KIAA1210: variants seen among roughly 807,000 people sequenced by gnomAD.
The protein encoded by KIAA1210 is KIAA1210.
A neutral mutation model predicts 78.9 loss-of-function variants in KIAA1210; 48 were observed. The observed-to-expected ratio is 0.61, with a 90% confidence interval of 0.48 to 0.77. KIAA1210 has a LOEUF of 0.77. Ranked by LOEUF, KIAA1210 falls within the 30% of genes least tolerant of loss-of-function variation. KIAA1210 has a pLI of 0.00. For synonymous variants in KIAA1210, 406 were observed against 404.5 expected, an observed-to-expected ratio of 1.00 and a Z score of -0.04; for missense variants, 1,108 against 1,100.0, an observed-to-expected ratio of 1.01 and a Z score of -0.10.
At chrX:119,132,182 C>A (rs144423296), upstream of KIAA1210, among the ~76,000 whole-genome samples, 2 of 112,257 alleles carry the variant, frequency 1.8e-5, no homozygotes, top group Non-Finnish European at 3.8e-5. Flanking sequence ...TCAGCCCTGA[C>A]GGCGATTGAG....
intron 2 of KIAA1210, among the ~76,000 whole-genome samples, chrX:119,140,433 G>A (rs1277766896): frequency 9.3e-6 from 1 of 107,920 alleles, no homozygotes; most frequent in Non-Finnish European, 1.9e-5. Flanking sequence ...GGAGGCTGAG[G>A]CAGGAGAATT....
rs192852550 is a variant in KIAA1210 at position 119,133,686 on chromosome X, T to A, written c.411-10034A>T. Among the ~76,000 whole-genome samples, 237 of 106,482 alleles carry A rather than the reference T, an allele frequency of 2.2e-3. 1 individual carries two copies. The highest frequency in any genetic ancestry group is 5.9e-3 in the Admixed American group (59 of 9,956). The allele number at this position is 106,482 out of a possible 115,157, so 92.5% of individuals were successfully genotyped here. ...TCTTTTCTTTCTTTTTTTTTTTTTT[T>A]AAATACTGTGTCTCGCTCTGTCGCC... On this transcript the variant is annotated intron_variant, in intron 2 of 13. Coordinates refer to the KIAA1210 transcript ENST00000402510.
At position 119,108,325 on chromosome X, in the gene KIAA1210, C is replaced by T. The variant is rs1439496448; in HGVS notation, c.492+12G>A. 1 of 1,202,802 alleles carries T rather than the reference C, an allele frequency of 8.3e-7. No individual in the cohort carries two copies. The highest frequency in any genetic ancestry group is 2.2e-5 in the Admixed American group (1 of 45,126). On this transcript the variant is annotated intron_variant, in intron 5 of 11. Transcript: ENST00000691062. ...TCAGCTGCCCATGCGCTGAACAATT[C>T]CACTTTGTTACCTCAGTGATCTTGG...
rs748771980 is a variant in KIAA1210 at position 119,150,350 on chromosome X, G to A, written c.230C>T (p.Pro77Leu). ...GGGCAGGAAGCCCCGGGAATAACTA[G>A]GTATTTCCAGGTCAGTCACTGCAGC... Residue 77 changes from proline to leucine, a missense_variant, in exon 1 of 14, where the codon CCT becomes CTT. Pro to Leu is a moderately conservative substitution (Grantham distance 98). Coordinates refer to the KIAA1210 transcript ENST00000402510. 4 of 1,207,042 alleles carry A rather than the reference G, an allele frequency of 3.3e-6. No homozygotes were observed. In the African/African-American group the frequency reaches 7.0e-5, roughly 21 times the overall value.
intron 6 of KIAA1210, among the ~76,000 whole-genome samples, chrX:119,103,855 C>T (rs1927808000): frequency 1.8e-5 from 2 of 112,169 alleles, no homozygotes; most frequent in African/African-American, 6.5e-5. Context: ...ACAAAAGCCA[C>T]ATATTGTATG....
intron 2 of KIAA1210, among the ~76,000 whole-genome samples, chrX:119,134,510 G>A (rs1928868054): frequency 8.9e-6 from 1 of 112,184 alleles, no homozygotes; most frequent in East Asian, 2.8e-4. Context: ...ATACCAGGGA[G>A]AGAAGATCAT....
At position 119,088,551 on chromosome X, in the gene KIAA1210, AGAG is replaced by A; in HGVS notation, c.2148_2150del (p.Ser717del). On this transcript the variant is annotated inframe_deletion, in exon 9 of 12. Transcript: ENST00000691062. ...GCTCTTCAGGAGTATTATTTGAAGC[AGAG>A]GAGACTTCTTGTTGGTTTTTGGGCT... 1 of 1,211,302 alleles carries A rather than the reference AGAG, an allele frequency of 8.3e-7. No individual in the cohort carries two copies. The highest frequency in any genetic ancestry group is 1.1e-6 in the Non-Finnish European group (1 of 895,199).
chrX:119,113,772 A>G (rs1325424670), intron 3 of KIAA1210, among the ~76,000 whole-genome samples: 1 of 112,037 alleles, frequency 8.9e-6, no homozygotes, highest in Non-Finnish European at 1.9e-5. Flanking sequence ...GAGATTAGAC[A>G]CGAAAAAATA....
At chrX:119,116,732 C>G in intron 2 of KIAA1210, 68 bp from the exon 3 acceptor site, 8 of 1,013,669 alleles carry the variant, frequency 7.9e-6, no homozygotes, top group Admixed American at 3.0e-5. Flanking sequence ...GGAAAAAGAG[C>G]CTTCATGAGA....
At chrX:119,117,777 G>C (rs549448756) in intron 2 of KIAA1210, among the ~76,000 whole-genome samples, 1 of 109,852 alleles carries the variant, frequency 9.1e-6, no homozygotes, top group South Asian at 4.0e-4. Context: ...TAGAGACGAC[G>C]CTCTAGAAAC....
intron 8 of KIAA1210, among the ~76,000 whole-genome samples, chrX:119,092,038 C>G (rs935110815): frequency 1.8e-5 from 2 of 111,853 alleles, no homozygotes; most frequent in African/African-American, 3.3e-5. Context: ...GACTTCACCA[C>G]TATACAATCC....
Position 119,086,825 on chromosome X carries a change from G to C in KIAA1210, c.3877C>G (p.Gln1293Glu), listed in dbSNP as rs1343264298. ...CCAAAAAGCTTTTCAACATCATCCTGATTGGATAGGTTTGCATGCTGGTTA... is the reference window on the plus strand; with the variant it reads ...CCAAAAAGCTTTTCAACATCATCCTCATTGGATAGGTTTGCATGCTGGTTA... ...NNNQHANLSN[Q>E]DDVEKLFGVR... The change falls in exon 9 of 12, where the codon CAG becomes GAG. Residue 1293 changes from glutamine (Q) to glutamate (E), a missense_variant. This residue lies in a region of KIAA1210 where 245 missense variants were observed against 278.8 expected (regional missense o/e 0.88). Coordinates refer to ENST00000691062, the MANE Select transcript of KIAA1210 (RefSeq NM_001394962.1). 1 of 1,211,417 alleles carries C rather than the reference G, an allele frequency of 8.3e-7. No individual in the cohort carries two copies. Among genetic ancestry groups the C allele is most frequent in the African/African-American group, 1.7e-5 (1 of 57,740 alleles).
At chrX:119,133,239 G>A (rs1342857927) in intron 2 of KIAA1210, among the ~76,000 whole-genome samples, 1 of 111,970 alleles carries the variant, frequency 8.9e-6, no homozygotes, top group Non-Finnish European at 1.9e-5. Flanking sequence ...GAGGTTGGCA[G>A]GAGGGCATCA....
chrX:119,132,451 C>T (rs1048489292), upstream of KIAA1210, among the ~76,000 whole-genome samples: 2 of 111,115 alleles, frequency 1.8e-5, no homozygotes, highest in Admixed American at 1.9e-4. Context: ...ATGCTCCCTT[C>T]CCCCAGCACA....
rs2100528 is a variant in KIAA1210, at chrX:119,093,095, T to C, written c.955+572A>G. Among the ~76,000 whole-genome samples the C allele has an allele frequency of 7.7e-3, 859 of 112,094 alleles. 11 individuals are homozygous for C. Among genetic ancestry groups the C allele is most frequent in the African/African-American group, 0.027 (823 of 30,853 alleles). ...CACAGAGAGATTTTCACTCTGGTGA[T>C]ATTTGTTGTTTGGGGATTTGATAGG... On this transcript the variant is annotated intron_variant, in intron 8 of 11. Transcript: ENST00000691062.
chrX:119,138,213 T>TG (rs1470230683), intron 2 of KIAA1210, among the ~76,000 whole-genome samples: 3 of 78,145 alleles, frequency 3.8e-5, no homozygotes, highest in African/African-American at 5.1e-5. Context: ...GTTTGGTTGT[T>TG]TTTTTTTTTT....
At chrX:119,131,192 A>AGAAT (rs1471180726), upstream of KIAA1210, among the ~76,000 whole-genome samples, 1 of 112,194 alleles carries the variant, frequency 8.9e-6, no homozygotes, top group African/African-American at 3.2e-5. Flanking sequence ...TGCGGTAAAC[A>AGAAT]GAATTCTAAG....
At chrX:119,112,103 G>A (rs762065843) in intron 3 of KIAA1210, among the ~76,000 whole-genome samples, 18 of 110,781 alleles carry the variant, frequency 1.6e-4, no homozygotes, top group African/African-American at 2.6e-4. Context: ...TGGCATCCCC[G>A]CTTGCACTCT....
At position 119,086,153 on chromosome X, in the gene KIAA1210, T is replaced by C. The variant is rs374587254; in HGVS notation, c.4156+393A>G. Among the ~76,000 whole-genome samples the C allele has an allele frequency of 2.1e-3, 238 of 112,461 alleles. 2 individuals carry two copies. Among genetic ancestry groups the C allele is most frequent in the South Asian group, 0.019 (52 of 2,698 alleles). On this transcript the variant is annotated intron_variant, in intron 9 of 11. Coordinates refer to ENST00000691062, the MANE Select transcript of KIAA1210 (RefSeq NM_001394962.1). ...GGCTGAGAGACTGAACATAGTGCTC[T>C]ACGAATGAGTTGGCTTTAAAAATCC...
Sources: gnomAD v4.1 joint callset for allele counts (sites outside exome capture counted in the v4.1 genomes callset) on GRCh38, gnomAD v4.1.1 for gene constraint, gnomAD v4.1.1 regional missense constraint, MANE v1.5 for transcripts, NCBI Gene and HGNC (gene_info 2026-07-23, HGNC 2026-07-21) for gene names.